Variants in RAB11A observed in about 807,000 individuals in gnomAD.
The protein encoded by RAB11A is ras-related protein Rab-11A.
RAB11A carries 9 observed loss-of-function variants against 28.0 expected under a neutral mutation model. The ratio of observed to expected loss-of-function variants is 0.32; its 90% CI spans 0.19 to 0.56. RAB11A has a LOEUF of 0.56. RAB11A is among the 20% of genes least tolerant of loss of function. The pLI, the probability that RAB11A is intolerant of heterozygous loss-of-function variation, is 0.91. For missense variants in RAB11A, 108 were observed against 269.6 expected (o/e 0.40, Z 4.20); for synonymous variants, 85 against 88.2 (o/e 0.96, Z 0.20).
At chr15:65,874,627 G>A (rs2078181434) in intron 1 of RAB11A, among the ~76,000 whole-genome samples, 1 of 151,892 alleles carries the variant, frequency 6.6e-6, no homozygotes, top group South Asian at 2.1e-4. Flanking sequence ...AACATTAATT[G>A]GTTACATTAA....
intron 4 of RAB11A, among the ~76,000 whole-genome samples, chr15:65,886,347 C>G (rs2078255602): frequency 6.6e-6 from 1 of 152,166 alleles, no homozygotes; most frequent in Non-Finnish European, 1.5e-5. Context: ...TTGGATAGCA[C>G]AAATTTAGAA....
In RAB11A at chr15:65,891,576, A is replaced by T; in HGVS notation, c.*3736A>T. ...CAGATTAAATAAACTCTGGGGATTC[A>T]TCCCAATTCGAACTCTGTAATTCTC... is the stretch of plus-strand genomic sequence containing the variant. On this transcript the variant is annotated 3_prime_UTR_variant, in exon 5 of 5. Coordinates refer to ENST00000261890, the MANE Select transcript of RAB11A (RefSeq NM_004663.5). The T allele has an allele frequency of 6.6e-6, 1 of 152,162 alleles. No individual in the cohort carries two copies. 9.4% of individuals were successfully genotyped at this position (152,162 alleles called of 1,614,324 possible).
intron 1 of RAB11A, among the ~76,000 whole-genome samples, chr15:65,873,557 A>C (rs893757841): frequency 6.6e-5 from 10 of 151,854 alleles, no homozygotes; most frequent in African/African-American, 2.4e-4. Context: ...CTATATCTAT[A>C]TATATATATT....
At position 65,877,562 on chromosome 15, in the gene RAB11A, G is replaced by A. The variant is rs745857492; in HGVS notation, c.236+35G>A. On this transcript the variant is annotated intron_variant, in intron 2 of 4. Coordinates refer to ENST00000261890, the MANE Select transcript of RAB11A (RefSeq NM_004663.5). This position sits in a 1 kb window ranked among gnomAD's most constrained non-coding sequence, Gnocchi z 4.1. ...ATGGTTTTTAAGTTCTGTGAAATGG[G>A]TTGCCATCGAGTGAATTAGCTGACT... The A allele has an allele frequency of 6.3e-7, 1 of 1,578,112 alleles. No homozygotes were observed. Among genetic ancestry groups the A allele is most frequent in the South Asian group, 1.1e-5 (1 of 86,964 alleles).
rs2078195064 is a variant in RAB11A at position 65,877,008 on chromosome 15, G to A, written c.41-324G>A. Among the ~76,000 whole-genome samples the A allele has an allele frequency of 6.6e-6, 1 of 152,170 alleles. No individual in the cohort carries two copies. The highest frequency in any genetic ancestry group is 2.4e-5 in the African/African-American group (1 of 41,426). ...TAGTAAGATTGGCATAGCATTGACG[G>A]TAATTAATGCCTGTCATCAATGCCA... On this transcript the variant is annotated intron_variant, in intron 1 of 4. Transcript: ENST00000261890. The surrounding 1 kb of genome is among the most constrained non-coding windows in gnomAD (Gnocchi z 4.1).
chr15:65,884,881 C>G (rs1301530654), intron 4 of RAB11A, among the ~76,000 whole-genome samples: 1 of 151,162 alleles, frequency 6.6e-6, no homozygotes, highest in Non-Finnish European at 1.5e-5. Context: ...GTATGCTAAA[C>G]TAGATCTATT....
In RAB11A at chr15:65,888,076, G is replaced by T; in HGVS notation, c.*236G>T. The T allele has an allele frequency of 2.6e-6, 1 of 386,890 alleles. No homozygotes were observed. Among genetic ancestry groups the T allele is most frequent in the Non-Finnish European group, 4.5e-6 (1 of 220,818 alleles). The allele number at this position is 386,890 out of a possible 1,614,324, so 24.0% of individuals were successfully genotyped here. A position where few individuals can be genotyped will look rare whatever the true frequency, so the allele number is the denominator to read the frequency against. Reference sequence around the variant, plus strand: ...CTTAGTTTAATAAACTGAATGTTTGGATTCCTCAGTTATTGTTTACTTTTC... The same window carrying T: ...CTTAGTTTAATAAACTGAATGTTTGTATTCCTCAGTTATTGTTTACTTTTC... On this transcript the variant is annotated 3_prime_UTR_variant, in exon 5 of 5. Coordinates refer to ENST00000261890, the MANE Select transcript of RAB11A (RefSeq NM_004663.5).
chr15:65,877,242 C>G lies in RAB11A; in HGVS notation c.41-90C>G, dbSNP rs1405602074. On this transcript the variant is annotated intron_variant, in intron 1 of 4. Transcript: ENST00000261890. The surrounding 1 kb of genome is among the most constrained non-coding windows in gnomAD (Gnocchi z 4.1). ...CCTTATTTTTCTTGCTTTATTTACTCTGAAGCCAAACTTCATTCTGTTGAA... is the reference window on the plus strand; with the variant it reads ...CCTTATTTTTCTTGCTTTATTTACTGTGAAGCCAAACTTCATTCTGTTGAA... 8 of 1,138,874 alleles carry G rather than the reference C, an allele frequency of 7.0e-6. No homozygotes were observed. The highest frequency in any genetic ancestry group is 9.9e-6 in the Non-Finnish European group (8 of 808,464). 70.5% of individuals were successfully genotyped at this position (1,138,874 alleles called of 1,614,324 possible).
chr15:65,879,096 T>C (rs541481791), intron 3 of RAB11A, among the ~76,000 whole-genome samples: 1 of 151,622 alleles, frequency 6.6e-6, no homozygotes, highest in Non-Finnish European at 1.5e-5. Flanking sequence ...TGGGCTCTAG[T>C]GATCTTCCAC....
At chr15:65,879,250 A>C (rs2078207024) in intron 3 of RAB11A, among the ~76,000 whole-genome samples, 1 of 152,152 alleles carries the variant, frequency 6.6e-6, no homozygotes, top group South Asian at 2.1e-4. Flanking sequence ...GGGCTCAAGC[A>C]ATCCGCCTGC....
rs536360657 is a variant in RAB11A at position 65,888,352 on chromosome 15, T to C, written c.*512T>C. ...TTCCATTATTCTGGACATGAATTTCTAAAATGCCTTAATAGGTTTATGTAG... is the reference window on the plus strand; with the variant it reads ...TTCCATTATTCTGGACATGAATTTCCAAAATGCCTTAATAGGTTTATGTAG... On this transcript the variant is annotated 3_prime_UTR_variant, in exon 5 of 5. Transcript: ENST00000261890. 1.3e-5 allele frequency: 2 copies of C among 152,874 alleles called. No individual in the cohort carries two copies. Among genetic ancestry groups the C allele is most frequent in the African/African-American group, 4.8e-5 (2 of 41,594 alleles). The allele number at this position is 152,874 out of a possible 1,614,324, so 9.5% of individuals were successfully genotyped here. A position where few individuals can be genotyped will look rare whatever the true frequency, so the allele number is the denominator to read the frequency against.
intron 4 of RAB11A, 121 bp downstream of exon 4, chr15:65,879,872 T>A: frequency 2.7e-6 from 2 of 745,500 alleles, no homozygotes; most frequent in Non-Finnish European, 4.2e-6. Context: ...TGAGAGCTAC[T>A]CTAGCAAAAG....
In RAB11A at chr15:65,877,812, A is replaced by G; in HGVS notation, c.287A>G (p.His96Arg). Residue 96 changes from histidine to arginine, a missense_variant, in exon 3 of 5, where the codon CAT (histidine) becomes CGT (arginine). His to Arg is a conservative substitution (Grantham distance 29). Transcript: ENST00000261890. This position sits in a 1 kb window ranked among gnomAD's most constrained non-coding sequence, Gnocchi z 4.1. ...GALLVYDIAK[H>R]LTYENVERWL... ...TTATTGGTTTATGACATTGCTAAAC[A>G]TCTCACATATGAAAATGTAGAGCGA... 1 of 1,611,246 alleles carries G rather than the reference A, an allele frequency of 6.2e-7. No individual in the cohort carries two copies. Among genetic ancestry groups the G allele is most frequent in the South Asian group, 1.1e-5 (1 of 90,986 alleles).
chr15:65,873,571 T>A (rs1392496971), intron 1 of RAB11A, among the ~76,000 whole-genome samples: 1 of 152,078 alleles, frequency 6.6e-6, no homozygotes, highest in African/African-American at 2.4e-5. Flanking sequence ...ATATATTTTT[T>A]GAGGCAGGGT....
rs983174400 is a variant in RAB11A at position 65,891,225 on chromosome 15, G to A, written c.*3385G>A. The A allele has an allele frequency of 1.3e-5, 2 of 152,188 alleles. No individual in the cohort carries two copies. Among genetic ancestry groups the A allele is most frequent in the African/African-American group, 4.8e-5 (2 of 41,436 alleles). 9.4% of individuals were successfully genotyped at this position (152,188 alleles called of 1,614,324 possible). Reference sequence around the variant, plus strand: ...AATGATTGGGTTCCCCCAAACTGTAGGAGGTCGATGGTAACAATAAAGTGA... The same window carrying A: ...AATGATTGGGTTCCCCCAAACTGTAAGAGGTCGATGGTAACAATAAAGTGA... On this transcript the variant is annotated 3_prime_UTR_variant, in exon 5 of 5. Transcript: ENST00000261890.
chr15:65,880,372 A>G (rs971483104), intron 4 of RAB11A, among the ~76,000 whole-genome samples: 1 of 152,220 alleles, frequency 6.6e-6, no homozygotes, highest in East Asian at 1.9e-4. Flanking sequence ...ATTTATCCTG[A>G]AACTATTAGA....
In RAB11A at chr15:65,890,373, C is replaced by T. The variant is rs1007417435; in HGVS notation, c.*2533C>T. 6.6e-6 allele frequency: 1 copy of T among 151,812 alleles called. No homozygotes were observed. The highest frequency in any genetic ancestry group is 1.5e-5 in the Non-Finnish European group (1 of 67,970). The allele number at this position is 151,812 out of a possible 1,614,324, so 9.4% of individuals were successfully genotyped here. On this transcript the variant is annotated 3_prime_UTR_variant, in exon 5 of 5. Transcript: ENST00000261890. ...TGCCTGGCCTTGAATTTTTTTTTAA[C>T]CTGTTATATAGTCTCCTGAATAGTT...
chr15:65,884,414 A>C (rs2078241851), intron 4 of RAB11A, among the ~76,000 whole-genome samples: 1 of 152,176 alleles, frequency 6.6e-6, no homozygotes, highest in Admixed American at 6.5e-5. Flanking sequence ...CTTCCTTATA[A>C]ATTGTTTTGA....
intron 1 of RAB11A, among the ~76,000 whole-genome samples, chr15:65,872,760 C>T (rs1367914270): frequency 1.3e-5 from 2 of 152,152 alleles, no homozygotes; most frequent in Admixed American, 1.3e-4. Flanking sequence ...AAAGCTCTTA[C>T]AGGATATGAG....
Sources: gnomAD v4.1 joint callset for allele counts (sites outside exome capture counted in the v4.1 genomes callset) on GRCh38, gnomAD v4.1.1 for gene constraint, Gnocchi (gnomAD v3.1) non-coding constraint, MANE v1.5 for transcripts, NCBI Gene and HGNC (gene_info 2026-07-23, HGNC 2026-07-21) for gene names.